Variants in CANX observed in about 807,000 individuals in gnomAD.
CANX encodes the protein calnexin.
Under a neutral mutation model 75.7 loss-of-function variants are expected in CANX, and 14 were observed. The observed-to-expected ratio is 0.19, with a 90% confidence interval of 0.12 to 0.29. The LOEUF (loss-of-function observed/expected upper bound fraction) is 0.29, where lower values mean the gene tolerates loss of function less well. Among genes scored for constraint, CANX ranks in the 10% least tolerant of loss-of-function variants. The pLI, the probability that CANX is intolerant of heterozygous loss-of-function variation, is 1.00. For synonymous variants in CANX, 227 were observed against 236.9 expected (o/e 0.96, Z 0.38); for missense variants, 567 against 713.2 (o/e 0.79, Z 2.34).
upstream of CANX, among the ~76,000 whole-genome samples, chr5:179,697,227 T>A (rs763176061): frequency 1.3e-3 from 193 of 152,138 alleles, no homozygotes; most frequent in Non-Finnish European, 2.2e-3. Flanking sequence ...CAGGCTAATT[T>A]TTTTATTTTT....
chr5:179,719,637 G>A, intron 8 of CANX, 31 bp from the exon 9 acceptor site: 1 of 1,276,914 alleles, frequency 7.8e-7, no homozygotes. Flanking sequence ...GACCAGTGTT[G>A]TCATAACTGG....
At chr5:179,693,561 C>T (rs970054675), upstream of CANX, among the ~76,000 whole-genome samples, 2 of 152,058 alleles carry the variant, frequency 1.3e-5, no homozygotes, top group Non-Finnish European at 1.5e-5. Context: ...GTAGTCCCAG[C>T]TACTCTGGAG....
Position 179,692,889 on chromosome 5 carries a change from G to T in CANX, c.-3-12790G>T, listed in dbSNP as rs150968486. Among the ~76,000 whole-genome samples the T allele has an allele frequency of 4.1e-3, 628 of 152,258 alleles. 5 individuals are homozygous for T. Among genetic ancestry groups the T allele is most frequent in the African/African-American group, 0.014 (587 of 41,572 alleles). On this transcript the variant is annotated intron_variant, in intron 1 of 14. Coordinates refer to the CANX transcript ENST00000681674. ...AGGCTGGGCGTGGTGGCTCACGCCT[G>T]TAATCCCAGCACTTTGGGAGGCCAA...
chr5:179,716,456 C>T (rs1777957125), intron 8 of CANX, among the ~76,000 whole-genome samples, 162 bp downstream of exon 8: 1 of 152,076 alleles, frequency 6.6e-6, no homozygotes, highest in South Asian at 2.1e-4. Context: ...GGAAAGGGGC[C>T]ATAGTGTAAT....
Position 179,720,554 on chromosome 5 carries a change from T to G in CANX, c.1176T>G (p.Ser392Arg). 6.2e-7 allele frequency: 1 copy of G among 1,613,922 alleles called. No individual in the cohort carries two copies. The highest frequency in any genetic ancestry group is 8.5e-7 in the Non-Finnish European group (1 of 1,179,792). ...AGCCTCCTATGATTGACAATCCCAG[T>G]TACCAGGTTTGTGCCTCTTGATGGT... ...KWKPPMIDNP[S>R]YQGIWKPRKI... The change falls in exon 10 of 15, where the codon AGT becomes AGG. Residue 392 changes from serine to arginine, a missense_variant. Ser to Arg is a moderately radical substitution (Grantham distance 110). Coordinates refer to ENST00000247461, the MANE Select transcript of CANX (RefSeq NM_001746.4).
intron 1 of CANX, 73 bp downstream of exon 1, chr5:179,699,175 A>G: frequency 1.1e-6 from 1 of 914,686 alleles, no homozygotes. Context: ...TCTGCGGCTG[A>G]GGGGTCGGGC....
intron 1 of CANX, among the ~76,000 whole-genome samples, chr5:179,691,189 T>G (rs1281161194): frequency 6.6e-6 from 1 of 151,742 alleles, no homozygotes; most frequent in Non-Finnish European, 1.5e-5. Flanking sequence ...CATGCCCAGC[T>G]AATTTTTGTA....
intron 1 of CANX, among the ~76,000 whole-genome samples, chr5:179,687,394 C>T (rs1271555003): frequency 2.6e-5 from 4 of 152,180 alleles, no homozygotes; most frequent in Non-Finnish European, 2.9e-5. Flanking sequence ...TGAGCCACCG[C>T]GCCCGGCCTG....
chr5:179,712,498 A>G (rs1046550134), intron 7 of CANX, among the ~76,000 whole-genome samples: 1 of 151,644 alleles, frequency 6.6e-6, no homozygotes, highest in African/African-American at 2.4e-5. Flanking sequence ...GGCTCACCAC[A>G]ACCTCTGCCT....
chr5:179,694,287 A>T, upstream of CANX: 1 of 514,150 alleles, frequency 1.9e-6, no homozygotes, highest in East Asian at 3.2e-5. Context: ...TAAAAAGAAA[A>T]ACCCTGTCAA....
At chr5:179,721,930 T>C (rs1445837461) in intron 10 of CANX, among the ~76,000 whole-genome samples, 1 of 152,194 alleles carries the variant, frequency 6.6e-6, no homozygotes, top group Non-Finnish European at 1.5e-5. Context: ...TATATGTTTT[T>C]CTGTTTGTAA....
intron 7 of CANX, among the ~76,000 whole-genome samples, chr5:179,714,389 T>C (rs986482082): frequency 1.3e-5 from 2 of 152,234 alleles, no homozygotes; most frequent in Non-Finnish European, 2.9e-5. Flanking sequence ...GATATGTCAA[T>C]AAAAACATAC....
intron 12 of CANX, 69 bp downstream of exon 12, chr5:179,723,848 A>C: frequency 7.1e-7 from 1 of 1,399,152 alleles, no homozygotes; most frequent in Non-Finnish European, 9.8e-7. Context: ...AATAACTAAG[A>C]TATGTTGCCT....
rs76121552 is a variant in CANX, at chr5:179,728,494, A to G, written c.1726-97A>G. The G allele has an allele frequency of 6.3e-3, 4,558 of 725,186 alleles. 175 individuals are homozygous for G. In the African/African-American group the frequency reaches 0.074, roughly 12 times the overall value. 44.9% of individuals were successfully genotyped at this position (725,186 alleles called of 1,614,324 possible). A position where few individuals can be genotyped will look rare whatever the true frequency, so the allele number is the denominator to read the frequency against. The stretch of plus-strand genomic sequence containing the variant: ...ATCATTTTCCTCATTTTTTTCCTCA[A>G]ATAAGTTACCCTCAGTCTGGCTGAT... On this transcript the variant is annotated intron_variant, in intron 14 of 14. Transcript: ENST00000247461.
intron 12 of CANX, 67 bp downstream of exon 12, chr5:179,723,846 A>C: frequency 7.1e-7 from 1 of 1,414,830 alleles, no homozygotes; most frequent in South Asian, 1.3e-5. Context: ...AAAATAACTA[A>C]GATATGTTGC....
intron 7 of CANX, 170 bp from the exon 8 acceptor site, chr5:179,715,929 TGCATAA>T (rs1339748193): frequency 1.4e-6 from 1 of 692,824 alleles, no homozygotes; most frequent in South Asian, 1.5e-5. Flanking sequence ...TTATGTTTCG[TGCATAA>T]GGAAATGGGC....
At position 179,705,750 on chromosome 5, in the gene CANX, A is replaced by G; in HGVS notation, c.69A>G (p.Gly23=). 6.2e-7 allele frequency: 1 copy of G among 1,607,684 alleles called. No homozygotes were observed. Among genetic ancestry groups the G allele is most frequent in the Non-Finnish European group, 8.5e-7 (1 of 1,174,142 alleles). The change falls in exon 2 of 15, where the codon GGA becomes GGG. Residue 23 remains glycine (G), a synonymous_variant. Coordinates refer to ENST00000247461, the MANE Select transcript of CANX (RefSeq NM_001746.4). ...LGTAIVEAHD[G]HDDDVIDIED... is the part of the protein sequence containing the mutation. Reference sequence around the variant, plus strand: ...CTGCTATTGTTGAGGCTCATGATGGACATGATGATGATGTGATTGATATTG... The same window carrying G: ...CTGCTATTGTTGAGGCTCATGATGGGCATGATGATGATGTGATTGATATTG...
intron 1 of CANX, among the ~76,000 whole-genome samples, chr5:179,679,702 G>A (rs1463708553): frequency 6.6e-6 from 1 of 151,878 alleles, no homozygotes; most frequent in Non-Finnish European, 1.5e-5. Context: ...GTCGTTGCCC[G>A]AGCTGGAGTG....
intron 7 of CANX, among the ~76,000 whole-genome samples, chr5:179,715,524 C>T (rs559448350): frequency 3.5e-4 from 53 of 152,132 alleles, no homozygotes; most frequent in Admixed American, 8.5e-4. Context: ...GGAGACAAAG[C>T]GAGACTCTGT....
Sources: gnomAD v4.1 joint callset for allele counts (sites outside exome capture counted in the v4.1 genomes callset) on GRCh38, gnomAD v4.1.1 for gene constraint, MANE v1.5 for transcripts, NCBI Gene and HGNC (gene_info 2026-07-23, HGNC 2026-07-21) for gene names.